The following SMIM36 variants were observed in gnomAD, a reference collection of about 807,000 sequenced individuals.
SMIM36 encodes the protein small integral membrane protein 36.
intron 3 of SMIM36, among the ~76,000 whole-genome samples, chr17:55,472,914 G>A (rs554536519): frequency 2.0e-5 from 3 of 149,992 alleles, no homozygotes; most frequent in South Asian, 2.2e-4. Flanking sequence ...TGCCTCTGCC[G>A]ACAGGATAGC....
intron 4 of SMIM36, among the ~76,000 whole-genome samples, chr17:55,466,455 C>T (rs1341501920): frequency 6.6e-6 from 1 of 151,904 alleles, no homozygotes; most frequent in Non-Finnish European, 1.5e-5. Flanking sequence ...AAGCAGGGGT[C>T]CATGATAAAT....
chr17:55,454,220 A>T (rs1372471263), intron 4 of SMIM36: 1 of 152,220 alleles, frequency 6.6e-6, no homozygotes, highest in East Asian at 1.9e-4. Flanking sequence ...AAAAAGGAGG[A>T]AATGTTAAGA....
chr17:55,466,908 T>G (rs1909249804), intron 4 of SMIM36, among the ~76,000 whole-genome samples: 1 of 152,242 alleles, frequency 6.6e-6, no homozygotes, highest in African/African-American at 2.4e-5. Flanking sequence ...ATCTCAAGGC[T>G]ATTCTTAAGT....
intron 4 of SMIM36, among the ~76,000 whole-genome samples, chr17:55,454,272 G>A (rs554351133): frequency 2.2e-4 from 34 of 152,188 alleles, no homozygotes; most frequent in Non-Finnish European, 4.4e-4. Flanking sequence ...GACAAAACAA[G>A]CTTTCAAAAT....
the SMIM36 span, among the ~76,000 whole-genome samples, chr17:55,520,697 C>T: frequency 5.9e-4 from 89 of 152,078 alleles, 1 homozygote; most frequent in Non-Finnish European, 8.4e-4. Context: ...TGAAAACTTA[C>T]GAATAGTTTA....
rs117269066 is a variant in SMIM36 at position 55,466,431 on chromosome 17, G to C, written c.*531+714C>G. ...AGAAATTTAGATGCTACGTGTGGGA[G>C]TTTGCAGGTTACCAAGCAGGGGTCC... On this transcript the variant is annotated intron_variant, in intron 4 of 4. Transcript: ENST00000636752. Among the ~76,000 whole-genome samples the C allele has an allele frequency of 9.9e-3, 1,506 of 152,232 alleles. 16 individuals carry two copies. Among genetic ancestry groups the C allele is most frequent in the South Asian group, 0.05 (239 of 4,820 alleles).
intron 4 of SMIM36, among the ~76,000 whole-genome samples, chr17:55,456,808 A>T (rs1435822047): frequency 6.6e-6 from 1 of 152,182 alleles, no homozygotes; most frequent in African/African-American, 2.4e-5. Flanking sequence ...GGACTTAATT[A>T]TAAGTTTCAT....
chr17:55,461,056 G>A (rs1426399918), intron 4 of SMIM36, among the ~76,000 whole-genome samples: 4 of 152,064 alleles, frequency 2.6e-5, no homozygotes, highest in African/African-American at 9.7e-5. Flanking sequence ...ACAGACTGAA[G>A]GTAATAAGAT....
the SMIM36 span, among the ~76,000 whole-genome samples, chr17:55,518,371 TG>T: frequency 1.3e-5 from 2 of 152,272 alleles, no homozygotes; most frequent in East Asian, 3.9e-4. Flanking sequence ...ACTGTTGAAT[TG>T]GGGATTAAGT....
chr17:55,514,330 A>G (rs530358168), upstream of SMIM36, among the ~76,000 whole-genome samples: 26 of 152,334 alleles, frequency 1.7e-4, no homozygotes, highest in African/African-American at 4.3e-4. Flanking sequence ...GGTAGCCTTG[A>G]CATACTAATT....
chr17:55,474,405 T>G (rs1308333623), intron 3 of SMIM36, among the ~76,000 whole-genome samples: 1 of 152,140 alleles, frequency 6.6e-6, no homozygotes, highest in Non-Finnish European at 1.5e-5. Flanking sequence ...GAATGCATCC[T>G]CAGAGCAGCA....
intron 1 of SMIM36, among the ~76,000 whole-genome samples, 179 bp downstream of exon 1, chr17:55,510,700 C>T (rs1910164572): frequency 7.2e-6 from 1 of 139,612 alleles, no homozygotes; most frequent in Admixed American, 6.7e-5. Flanking sequence ...CACACACGCA[C>T]GTGCACGTGC....
chr17:55,458,700 G>T (rs187891486), intron 4 of SMIM36, among the ~76,000 whole-genome samples: 306 of 152,152 alleles, frequency 2.0e-3, no homozygotes, highest in African/African-American at 6.9e-3. Context: ...CTCTGCGGCC[G>T]AAGAGCATGC....
intron 4 of SMIM36, among the ~76,000 whole-genome samples, chr17:55,453,715 C>T (rs1908966360): frequency 6.6e-6 from 1 of 152,160 alleles, no homozygotes; most frequent in South Asian, 2.1e-4. Flanking sequence ...CCCACCCCTG[C>T]AGGTAGGAAT....
At chr17:55,523,767 G>A in the SMIM36 span, among the ~76,000 whole-genome samples, 4 of 152,150 alleles carry the variant, frequency 2.6e-5, no homozygotes, top group African/African-American at 9.7e-5. Flanking sequence ...AATATTTTGA[G>A]TTGGGCTTTC....
At chr17:55,471,097 C>T (rs1306539158) in intron 3 of SMIM36, among the ~76,000 whole-genome samples, 1 of 152,076 alleles carries the variant, frequency 6.6e-6, no homozygotes, top group Non-Finnish European at 1.5e-5. Context: ...TCAAAGACGT[C>T]TTCTTTACTA....
chr17:55,484,255 T>C (rs1232128541), intron 1 of SMIM36, among the ~76,000 whole-genome samples: 1 of 152,110 alleles, frequency 6.6e-6, no homozygotes, highest in Admixed American at 6.5e-5. Context: ...AAGGAAAGAG[T>C]TAAGCACTGA....
At chr17:55,497,086 T>G (rs79180433) in intron 1 of SMIM36, among the ~76,000 whole-genome samples, 2,765 of 152,104 alleles carry the variant, frequency 0.018, 79 homozygotes, top group African/African-American at 0.059. Flanking sequence ...CTCTAATAGT[T>G]TTGTGCTTGA....
At chr17:55,451,316 T>C (rs931078209) in intron 4 of SMIM36, among the ~76,000 whole-genome samples, 1 of 152,206 alleles carries the variant, frequency 6.6e-6, no homozygotes, top group African/African-American at 2.4e-5. Context: ...ATCACCCTCC[T>C]TCAGCACCTC....
Sources: allele counts gnomAD v4.1 joint callset (sites outside exome capture counted in the v4.1 genomes callset), GRCh38; gene constraint gnomAD v4.1.1; transcripts MANE v1.5; gene names NCBI Gene and HGNC (gene_info 2026-07-23, HGNC 2026-07-21).